Variants in OCA2 observed in about 807,000 individuals in gnomAD.
The protein encoded by OCA2 is P protein.
Under a neutral mutation model 100.2 loss-of-function variants are expected in OCA2, and 77 were observed. That is an observed-to-expected ratio of 0.77 (90% CI 0.64 to 0.93). The LOEUF is 0.93. OCA2 is among the 40% of genes least tolerant of loss of function. OCA2 has a pLI of 0.00. For synonymous variants in OCA2, 432 were observed against 439.2 expected, an observed-to-expected ratio of 0.98 and a Z score of 0.21; for missense variants, 1,062 against 1,089.1, an observed-to-expected ratio of 0.98 and a Z score of 0.35.
At chr15:27,939,666 C>T (rs1037607519) in intron 18 of OCA2, among the ~76,000 whole-genome samples, 4 of 152,218 alleles carry the variant, frequency 2.6e-5, no homozygotes, top group Admixed American at 2.6e-4. Context: ...GAATCAGGTT[C>T]GTTATCACAG....
intron 19 of OCA2, among the ~76,000 whole-genome samples, chr15:27,884,610 T>C (rs1298822413): frequency 1.3e-5 from 2 of 152,194 alleles, no homozygotes; most frequent in African/African-American, 2.4e-5. Context: ...ATGTTGTTCA[T>C]TCACATTGGA....
At chr15:27,970,956 G>A (rs894842726) in intron 14 of OCA2, among the ~76,000 whole-genome samples, 1 of 151,688 alleles carries the variant, frequency 6.6e-6, no homozygotes, top group Non-Finnish European at 1.5e-5. Flanking sequence ...GGGAAAGCCT[G>A]AAGAACTCCC....
intron 19 of OCA2, among the ~76,000 whole-genome samples, chr15:27,879,268 G>T (rs1464056654): frequency 6.6e-6 from 1 of 152,118 alleles, no homozygotes; most frequent in Non-Finnish European, 1.5e-5. Flanking sequence ...TAGGGCATTT[G>T]GGATGATTCC....
chr15:27,873,983 T>C (rs1316371959), intron 19 of OCA2, among the ~76,000 whole-genome samples: 3 of 152,214 alleles, frequency 2.0e-5, no homozygotes, highest in Non-Finnish European at 4.4e-5. Flanking sequence ...GATTGTGTGG[T>C]ATAAATCAGG....
At chr15:27,789,844 C>T (rs1037887330) in intron 23 of OCA2, among the ~76,000 whole-genome samples, 4 of 152,116 alleles carry the variant, frequency 2.6e-5, no homozygotes, top group African/African-American at 9.7e-5. Flanking sequence ...AAAAGTAAAA[C>T]TTAGAAAATC....
At chr15:27,834,993 A>G (rs2035094156) in intron 23 of OCA2, among the ~76,000 whole-genome samples, 1 of 152,208 alleles carries the variant, frequency 6.6e-6, no homozygotes, top group Non-Finnish European at 1.5e-5. Context: ...AGCCTCCACA[A>G]TAGGAACTTG....
intron 23 of OCA2, among the ~76,000 whole-genome samples, chr15:27,808,756 A>C (rs1014904287): frequency 1.3e-5 from 2 of 152,180 alleles, no homozygotes; most frequent in Non-Finnish European, 2.9e-5. Context: ...TCAAGGAAGA[A>C]GCTGGAACTG....
chr15:27,761,461 A>G (rs907860668), intron 23 of OCA2, among the ~76,000 whole-genome samples: 1 of 142,416 alleles, frequency 7.0e-6, no homozygotes, highest in Non-Finnish European at 1.5e-5. Context: ...AATGGTGATT[A>G]AAAAAAAAAA....
chr15:28,035,565 C>T (rs965589296), intron 2 of OCA2, among the ~76,000 whole-genome samples: 12 of 152,218 alleles, frequency 7.9e-5, no homozygotes, highest in Admixed American at 7.2e-4. Context: ...GCTGAAAGCC[C>T]AATTTTTTCT....
chr15:28,013,662 A>T (rs2141218643), intron 9 of OCA2, among the ~76,000 whole-genome samples: 1 of 151,992 alleles, frequency 6.6e-6, no homozygotes, highest in East Asian at 1.9e-4. Flanking sequence ...GTGTGGGCCC[A>T]CCTGGGAGAG....
chr15:27,747,674 C>A, the OCA2 span, among the ~76,000 whole-genome samples: 1 of 152,212 alleles, frequency 6.6e-6, no homozygotes, highest in East Asian at 1.9e-4. Context: ...ACCTGTTTAC[C>A]TAAAACTAAC....
At chr15:28,086,326 C>T (rs549508226) in intron 1 of OCA2, among the ~76,000 whole-genome samples, 24 of 152,254 alleles carry the variant, frequency 1.6e-4, no homozygotes, top group African/African-American at 5.8e-4. Flanking sequence ...ATGAGGTGTC[C>T]CACCCCACTC....
intron 9 of OCA2, among the ~76,000 whole-genome samples, chr15:27,994,636 G>A (rs1293095362): frequency 2.0e-5 from 3 of 152,190 alleles, no homozygotes; most frequent in Admixed American, 6.5e-5. Context: ...TGAGCATGGC[G>A]TGCCTCTCTT....
chr15:27,857,568 C>T (rs1257150511), intron 21 of OCA2, among the ~76,000 whole-genome samples: 1 of 151,846 alleles, frequency 6.6e-6, no homozygotes, highest in Non-Finnish European at 1.5e-5. Context: ...TTTTATGTTA[C>T]ATGTGTTTTA....
At chr15:27,759,743 C>T (rs1184121830) in intron 23 of OCA2, among the ~76,000 whole-genome samples, 1 of 152,126 alleles carries the variant, frequency 6.6e-6, no homozygotes, top group African/African-American at 2.4e-5. Context: ...GGATTGTAGA[C>T]TGACAAATCC....
the OCA2 span, among the ~76,000 whole-genome samples, chr15:27,725,602 A>G: frequency 1.3e-5 from 2 of 152,066 alleles, no homozygotes; most frequent in Non-Finnish European, 2.9e-5. Context: ...AAAAAAACCT[A>G]CGTTTCTCAA....
intron 2 of OCA2, among the ~76,000 whole-genome samples, chr15:28,068,695 A>G (rs1224995094): frequency 6.6e-6 from 1 of 152,258 alleles, no homozygotes; most frequent in African/African-American, 2.4e-5. Context: ...AGTCCTCGAC[A>G]AAATACTAGC....
intron 1 of OCA2, among the ~76,000 whole-genome samples, chr15:28,096,109 G>C (rs2044975740): frequency 6.6e-6 from 1 of 152,108 alleles, no homozygotes; most frequent in South Asian, 2.1e-4. Flanking sequence ...TGTGTCTCCG[G>C]GGGCGTAGCT....
At chr15:28,066,398 G>A (rs922041063) in intron 2 of OCA2, among the ~76,000 whole-genome samples, 1 of 152,052 alleles carries the variant, frequency 6.6e-6, no homozygotes, top group African/African-American at 2.4e-5. Context: ...ATCAGTTCAA[G>A]CCATGATGGG....
Sources: allele counts gnomAD v4.1 joint callset (sites outside exome capture counted in the v4.1 genomes callset), GRCh38; gene constraint gnomAD v4.1.1; transcripts MANE v1.5; gene names NCBI Gene and HGNC (gene_info 2026-07-23, HGNC 2026-07-21).